CPAMD8: variants seen among roughly 807,000 people sequenced by gnomAD.
CPAMD8 encodes C3 and PZP-like alpha-2-macroglobulin domain-containing protein 8.
Under a neutral mutation model 224.7 loss-of-function variants are expected in CPAMD8, and 146 were observed. The observed-to-expected ratio is 0.65, with a 90% CI of 0.57 to 0.75. The LOEUF (loss-of-function observed/expected upper bound fraction) is 0.75. Among genes scored for constraint, CPAMD8 ranks in the 30% least tolerant of loss-of-function variants. The probability of loss-of-function intolerance (pLI) is 0.00; values close to 1 mark genes in which losing one functional copy is unlikely to be tolerated. For missense variants in CPAMD8, 2,301 were observed against 2,537.5 expected (o/e 0.91, Z 2.00); for synonymous variants, 966 against 1,044.6 (o/e 0.92, Z 1.45).
chr19:16,938,383 C>CG lies in CPAMD8; in HGVS notation c.2845+11dup. 3 of 1,522,998 alleles carry CG rather than the reference C, an allele frequency of 2.0e-6. No individual in the cohort carries two copies. Among genetic ancestry groups the CG allele is most frequent in the African/African-American group, 1.4e-5 (1 of 69,206 alleles). 94.3% of individuals were successfully genotyped at this position (1,522,998 alleles called of 1,614,324 possible). A position where few individuals can be genotyped will look rare whatever the true frequency, so the allele number is the denominator to read the frequency against. On this transcript the variant is annotated intron_variant, in intron 23 of 41. Transcript: ENST00000443236. ...TGGCCACACCTTAGCAGAATGGGCA[C>CG]GGGGGACTCACCACTGGGACAGAAG... is the stretch of plus-strand genomic sequence containing the variant.
In CPAMD8 at chr19:16,899,490, G is replaced by T. The variant is rs755822674; in HGVS notation, c.4833C>A (p.Leu1611=). ...KRYEVAGRRV[L]FYFDEIPSRC... The stretch of plus-strand genomic sequence containing the variant: ...CTGGTGGTACCTCATCAAAGTAGAA[G>T]AGCACTCGGCGTCCAGCCACTTCAT... Residue 1611 remains leucine, a synonymous_variant, in exon 37 of 42, where the codon CTC becomes CTA. Transcript: ENST00000443236. The surrounding 1 kb of genome is among the most constrained non-coding windows in gnomAD (Gnocchi z 5.4). 6.5e-7 allele frequency: 1 copy of T among 1,550,378 alleles called. No homozygotes were observed. Among genetic ancestry groups the T allele is most frequent in the Admixed American group, 1.7e-5 (1 of 59,946 alleles).
intron 29 of CPAMD8, among the ~76,000 whole-genome samples, chr19:16,908,883 G>A (rs2052620004): frequency 6.6e-6 from 1 of 152,294 alleles, no homozygotes; most frequent in African/African-American, 2.4e-5. Context: ...CATCCCAGGG[G>A]CAGGAACAGT....
Position 17,026,209 on chromosome 19 carries a change from C to T in CPAMD8, c.92+342G>A, listed in dbSNP as rs1279950998. On this transcript the variant is annotated intron_variant, in intron 1 of 41. Transcript: ENST00000443236. ...CCACGGGAAAGTGCCCCTTCGCACT[C>T]TCCTCCCACTTCTCAGCCAAGACGC... Among the ~76,000 whole-genome samples the T allele has an allele frequency of 2.6e-5, 4 of 152,206 alleles. No homozygotes were observed. In the South Asian group the frequency reaches 8.3e-4, roughly 31 times the overall value.
chr19:16,921,228 G>A (rs1175661796), intron 27 of CPAMD8, among the ~76,000 whole-genome samples: 3 of 152,144 alleles, frequency 2.0e-5, no homozygotes, highest in African/African-American at 7.2e-5. Flanking sequence ...CTGTGCAGTG[G>A]ACACTCTGTT....
rs751714785 is a variant in CPAMD8, at chr19:16,975,098, G to A, written c.2069C>T (p.Thr690Ile). 8 of 1,611,586 alleles carry A rather than the reference G, an allele frequency of 5.0e-6. No homozygotes were observed. In the African/African-American group the frequency reaches 8.0e-5, roughly 16 times the overall value. ...GGATCTGAGACCACCTCTCCTTACG[G>A]TGAAGGCAAACCCAGAGTCCTTGGT... is the stretch of plus-strand genomic sequence containing the variant. ...GITKDSGFAF[T>I]ETGLVVMTDR... The change falls in exon 17 of 42, where the codon ACC becomes ATC. Residue 690 changes from threonine to isoleucine, a missense_variant and splice_region_variant. Physicochemically the swap from Thr to Ile is moderately conservative, Grantham distance 89. Around this residue, in one of 4 missense-constraint regions of CPAMD8, gnomAD observed 1,709 missense variants for 1,753.2 expected, o/e 0.97. Coordinates refer to ENST00000443236, the MANE Select transcript of CPAMD8 (RefSeq NM_015692.5).
intron 3 of CPAMD8, among the ~76,000 whole-genome samples, chr19:17,018,919 A>G (rs866101115): frequency 1.6e-4 from 15 of 93,690 alleles, no homozygotes; most frequent in African/African-American, 3.7e-4. Context: ...AAAAAAAAAA[A>G]GAAAAAAAAA....
chr19:17,008,715 T>G, intron 6 of CPAMD8, 156 bp from the exon 7 acceptor site: 3 of 840,650 alleles, frequency 3.6e-6, no homozygotes, highest in Admixed American at 2.0e-5. Flanking sequence ...AAAAAAAAGC[T>G]CTGGATAGAG....
intron 23 of CPAMD8, among the ~76,000 whole-genome samples, chr19:16,932,414 C>T (rs2053571907): frequency 6.6e-6 from 1 of 152,058 alleles, no homozygotes; most frequent in Non-Finnish European, 1.5e-5. Flanking sequence ...GAGTGAGATC[C>T]TGTCTCAAGA....
At chr19:16,911,394 C>T (rs2052722232) in intron 29 of CPAMD8, among the ~76,000 whole-genome samples, 1 of 150,536 alleles carries the variant, frequency 6.6e-6, no homozygotes, top group Admixed American at 6.6e-5. Flanking sequence ...CAGAGTCTGG[C>T]TTGGTTGCCC....
intron 7 of CPAMD8, among the ~76,000 whole-genome samples, chr19:17,004,638 C>G (rs1209273714): frequency 6.6e-6 from 1 of 152,082 alleles, no homozygotes; most frequent in Non-Finnish European, 1.5e-5. Context: ...CCGGGACAGC[C>G]TTGCAGCCAG....
intron 41 of CPAMD8, chr19:16,894,585 C>T (rs568874796): frequency 4.7e-6 from 2 of 422,974 alleles, no homozygotes; most frequent in South Asian, 1.7e-5. Context: ...ATGGGGGACA[C>T]ATGGCCCAGG....
chr19:16,921,651 A>G (rs1217237145), intron 27 of CPAMD8, among the ~76,000 whole-genome samples: 1 of 151,168 alleles, frequency 6.6e-6, no homozygotes, highest in Admixed American at 6.6e-5. Flanking sequence ...GGGGCCAGAG[A>G]GCAGGGCATG....
At chr19:16,971,730 T>C (rs899423443) in intron 17 of CPAMD8, among the ~76,000 whole-genome samples, 2 of 152,130 alleles carry the variant, frequency 1.3e-5, no homozygotes, top group Non-Finnish European at 2.9e-5. Flanking sequence ...GTGAGTTTTA[T>C]GTTATATGAA....
chr19:16,914,506 G>A lies in CPAMD8; in HGVS notation c.3787-8C>T. The stretch of plus-strand genomic sequence containing the variant: ...AGTGCCGTGGATCCCACCCTGCAAG[G>A]GGACTCACAGGCCTCACCCTAAGCC... On this transcript the variant is annotated splice_region_variant and splice_polypyrimidine_tract_variant and intron_variant, in intron 28 of 41. Coordinates refer to ENST00000443236, the MANE Select transcript of CPAMD8 (RefSeq NM_015692.5). The A allele has an allele frequency of 6.2e-7, 1 of 1,613,822 alleles. No homozygotes were observed. The highest frequency in any genetic ancestry group is 8.5e-7 in the Non-Finnish European group (1 of 1,179,758).
At chr19:16,945,742 C>T (rs531698680) in intron 21 of CPAMD8, 63 bp from the exon 22 acceptor site, 3 of 1,502,138 alleles carry the variant, frequency 2.0e-6, no homozygotes, top group African/African-American at 2.7e-5. Context: ...GCTGTCCCAT[C>T]CCTATCCTTA....
At chr19:16,937,409 G>A (rs577754968) in intron 23 of CPAMD8, among the ~76,000 whole-genome samples, 15 of 152,210 alleles carry the variant, frequency 9.9e-5, no homozygotes, top group East Asian at 5.8e-4. Flanking sequence ...ATGGTTTTAC[G>A]TTTAAGTCCA....
rs571335114 is a variant in CPAMD8, at chr19:16,897,479, TC to T, written c.5065+211del. ...GCCACTTCCCTTCCGCACTTACCAC[TC>T]CCCCAGCCACGCCCCTCCCCGCTGA... On this transcript the variant is annotated intron_variant, in intron 39 of 41. Transcript: ENST00000443236. 6.4e-4 allele frequency: 355 copies of T among 552,494 alleles called. 4 individuals are homozygous for T. In the East Asian group the frequency reaches 0.011, roughly 17 times the overall value. 34.2% of individuals were successfully genotyped at this position (552,494 alleles called of 1,614,324 possible). A position where few individuals can be genotyped will look rare whatever the true frequency, so the allele number is the denominator to read the frequency against.
intron 23 of CPAMD8, among the ~76,000 whole-genome samples, chr19:16,935,729 G>T (rs1361177015): frequency 6.6e-6 from 1 of 152,150 alleles, no homozygotes. Flanking sequence ...GTTTTTGTGT[G>T]AACATAAGTC....
At chr19:16,911,835 C>T (rs2052740958) in intron 29 of CPAMD8, among the ~76,000 whole-genome samples, 1 of 152,184 alleles carries the variant, frequency 6.6e-6, no homozygotes, top group Admixed American at 6.6e-5. Context: ...TGAGCCACCA[C>T]ACCCAGACAG....
Sources: gnomAD v4.1 joint callset for allele counts (sites outside exome capture counted in the v4.1 genomes callset) on GRCh38, gnomAD v4.1.1 for gene constraint, gnomAD v4.1.1 regional missense constraint, Gnocchi (gnomAD v3.1) non-coding constraint, MANE v1.5 for transcripts, NCBI Gene and HGNC (gene_info 2026-07-23, HGNC 2026-07-21) for gene names.